The following PTK2 variants were observed in gnomAD, a reference collection of about 807,000 sequenced individuals.
PTK2 encodes the protein protein tyrosine kinase 2.
Under a neutral mutation model 150.1 loss-of-function variants are expected in PTK2, and 45 were observed. That is an observed-to-expected ratio of 0.30 (90% CI 0.24 to 0.38). The LOEUF (loss-of-function observed/expected upper bound fraction) is 0.38. PTK2 is among the 10% of genes least tolerant of loss of function. The pLI, the probability that PTK2 is intolerant of heterozygous loss-of-function variation, is 1.00. For missense variants in PTK2, 919 were observed against 1,307.3 expected (o/e 0.70, Z 4.58); for synonymous variants, 432 against 449.2 (o/e 0.96, Z 0.48).
At chr8:140,991,967 C>A (rs1205717260) in intron 1 of PTK2, among the ~76,000 whole-genome samples, 1 of 151,868 alleles carries the variant, frequency 6.6e-6, no homozygotes, top group African/African-American at 2.4e-5. Context: ...TCCAGCAAGA[C>A]CCGGTCTCAA....
intron 11 of PTK2, among the ~76,000 whole-genome samples, chr8:140,801,443 T>C (rs185409506): frequency 3.1e-4 from 47 of 152,334 alleles, no homozygotes; most frequent in African/African-American, 8.7e-4. Flanking sequence ...CTGTTGCCTG[T>C]TGATTAAGAA....
exon 3 of PTK2, chr8:140,890,649 G>A: frequency 6.2e-7 from 1 of 1,614,062 alleles, no homozygotes; most frequent in South Asian, 1.1e-5. Flanking sequence ...CATTGCACCA[G>A]GAGAACGTTC....
At chr8:140,757,665 TATAAA>T (rs1363010522) in intron 16 of PTK2, among the ~76,000 whole-genome samples, 2 of 152,100 alleles carry the variant, frequency 1.3e-5, no homozygotes, top group East Asian at 3.8e-4. Flanking sequence ...CAAGCAGGGG[TATAAA>T]ATAAGAGTCA....
chr8:140,950,181 G>A (rs763324200), intron 1 of PTK2, among the ~76,000 whole-genome samples: 6 of 152,266 alleles, frequency 3.9e-5, no homozygotes, highest in Middle Eastern at 3.4e-3. Flanking sequence ...AAGAACTCGA[G>A]ACCTGCCAAA....
At chr8:140,672,217 T>C (rs1291573065) in intron 29 of PTK2, 3 of 444,082 alleles carry the variant, frequency 6.8e-6, no homozygotes, top group Non-Finnish European at 1.3e-5. Flanking sequence ...TTTAAAGAGA[T>C]GGGGTCTCAC....
intron 14 of PTK2, among the ~76,000 whole-genome samples, chr8:140,772,985 A>G (rs974242090): frequency 2.0e-5 from 3 of 152,192 alleles, no homozygotes; most frequent in South Asian, 4.1e-4. Context: ...TGGGGTTATA[A>G]CAGAAGCTAC....
chr8:140,978,829 A>T (rs1355406403), intron 1 of PTK2, among the ~76,000 whole-genome samples: 1 of 151,884 alleles, frequency 6.6e-6, no homozygotes, highest in Non-Finnish European at 1.5e-5. Context: ...TTGCGGCACT[A>T]TTCACAACAG....
intron 14 of PTK2, among the ~76,000 whole-genome samples, chr8:140,774,884 C>T (rs1390386802): frequency 6.6e-6 from 1 of 152,216 alleles, no homozygotes; most frequent in Non-Finnish European, 1.5e-5. Context: ...TCTGTATGGT[C>T]TAAAAAGGGG....
At position 140,891,154 on chromosome 8, in the gene PTK2, A is replaced by G. The variant is rs559630301; in HGVS notation, c.-32-385T>C. ...TTGCTCCCTGCTTTTGAAAACTTTT[A>G]CCTAAGAGAAAAGTTCTTTCTTCAT... is the stretch of plus-strand genomic sequence containing the variant. On this transcript the variant is annotated intron_variant, in intron 2 of 31. Transcript: ENST00000522684. Among the ~76,000 whole-genome samples the G allele has an allele frequency of 1.4e-3, 194 of 142,370 alleles. 1 individual carries two copies. Among genetic ancestry groups the G allele is most frequent in the Middle Eastern group, 8.3e-3 (2 of 240 alleles). 93.4% of individuals were successfully genotyped at this position (142,370 alleles called of 152,430 possible).
chr8:140,811,106 C>A (rs896147750), intron 10 of PTK2, among the ~76,000 whole-genome samples: 3 of 152,202 alleles, frequency 2.0e-5, no homozygotes, highest in African/African-American at 7.2e-5. Context: ...AAGGGCGGAT[C>A]CTATGCCACC....
At chr8:140,728,370 T>A (rs2100047193) in intron 22 of PTK2, among the ~76,000 whole-genome samples, 1 of 152,192 alleles carries the variant, frequency 6.6e-6, no homozygotes, top group Non-Finnish European at 1.5e-5. Context: ...TTTTTAAGGA[T>A]GTCTAACTAT....
At chr8:140,721,232 A>G (rs1240117813) in intron 22 of PTK2, among the ~76,000 whole-genome samples, 1 of 152,210 alleles carries the variant, frequency 6.6e-6, no homozygotes, top group African/African-American at 2.4e-5. Context: ...GATACAAAGG[A>G]GCAACCATGT....
intron 14 of PTK2, among the ~76,000 whole-genome samples, chr8:140,782,111 C>G (rs1016981242): frequency 6.6e-6 from 1 of 152,046 alleles, no homozygotes; most frequent in African/African-American, 2.4e-5. Flanking sequence ...GAGCCAGGTA[C>G]TAGGAACAGA....
intron 1 of PTK2, among the ~76,000 whole-genome samples, chr8:140,982,540 T>C (rs1055016965): frequency 6.6e-6 from 1 of 151,928 alleles, no homozygotes; most frequent in African/African-American, 2.4e-5. Context: ...GAGGTTGCAG[T>C]GAGCCGAGAT....
intron 23 of PTK2, 148 bp downstream of exon 26, chr8:140,717,450 C>T: frequency 1.6e-6 from 1 of 628,868 alleles, no homozygotes; most frequent in Non-Finnish European, 2.8e-6. Context: ...AGAAGACGAG[C>T]AAAAAGGAAA....
intron 2 of PTK2, among the ~76,000 whole-genome samples, chr8:140,896,780 C>CA (rs1198306945): frequency 3.0e-4 from 15 of 49,920 alleles, no homozygotes; most frequent in Admixed American, 1.9e-3. Flanking sequence ...CCCTTCCCCC[C>CA]AAAAAAACGG....
At chr8:140,798,518 T>A (rs2100093020) in intron 12 of PTK2, among the ~76,000 whole-genome samples, 1 of 152,194 alleles carries the variant, frequency 6.6e-6, no homozygotes, top group Non-Finnish European at 1.5e-5. Flanking sequence ...TTAAAAAGCA[T>A]CGCATTTCAT....
intron 4 of PTK2, among the ~76,000 whole-genome samples, chr8:140,865,956 T>C (rs2100139015): frequency 6.6e-6 from 1 of 152,112 alleles, no homozygotes; most frequent in Non-Finnish European, 1.5e-5. Context: ...GGCTAACTTT[T>C]GTATTTTTAG....
chr8:140,772,088 C>T (rs915838903), intron 14 of PTK2, among the ~76,000 whole-genome samples: 3 of 152,060 alleles, frequency 2.0e-5, no homozygotes, highest in East Asian at 3.9e-4. Context: ...CGCGCCCGGC[C>T]GATCCCAGTA....
Sources: gnomAD v4.1 joint callset for allele counts (sites outside exome capture counted in the v4.1 genomes callset) on GRCh38, gnomAD v4.1.1 for gene constraint, MANE v1.5 for transcripts, NCBI Gene and HGNC (gene_info 2026-07-23, HGNC 2026-07-21) for gene names.